WASHC4: variants seen among roughly 807,000 people sequenced by gnomAD.
The protein encoded by WASHC4 is WASH complex subunit 4.
Under a neutral mutation model 166.6 loss-of-function variants are expected in WASHC4, and 86 were observed. The observed-to-expected ratio is 0.52, with a 90% confidence interval of 0.43 to 0.62. The LOEUF (loss-of-function observed/expected upper bound fraction) is 0.62, where lower values mean the gene tolerates loss of function less well. WASHC4 is among the 20% of genes least tolerant of loss of function. The probability of loss-of-function intolerance (pLI) is 0.00; values close to 1 mark genes in which losing one functional copy is unlikely to be tolerated. For missense variants in WASHC4, 1,262 were observed against 1,382.4 expected (o/e 0.91, Z 1.38); for synonymous variants, 446 against 451.6 (o/e 0.99, Z 0.16).
intron 12 of WASHC4, 30 bp downstream of exon 12, chr12:105,126,392 G>C: frequency 2.7e-6 from 4 of 1,497,570 alleles, no homozygotes; most frequent in Non-Finnish European, 3.7e-6. Context: ...TTTTCAATTT[G>C]AGCAGATTAA....
chr12:105,115,536 T>A (rs1347756309), intron 5 of WASHC4, 125 bp from the exon 6 acceptor site: 2 of 707,624 alleles, frequency 2.8e-6, no homozygotes, highest in African/African-American at 3.6e-5. Flanking sequence ...GTAAAAATTC[T>A]GTTTTCAATA....
chr12:105,154,326 G>C (rs1202383857), intron 26 of WASHC4, among the ~76,000 whole-genome samples: 13 of 152,172 alleles, frequency 8.5e-5, no homozygotes. Context: ...ACTGCGCCCG[G>C]CCAATACAAA....
intron 2 of WASHC4, among the ~76,000 whole-genome samples, chr12:105,112,822 A>C (rs901339759): frequency 6.6e-6 from 1 of 152,156 alleles, no homozygotes; most frequent in Non-Finnish European, 1.5e-5. Context: ...AAGTAGATAC[A>C]ATGTCATCTC....
At position 105,160,162 on chromosome 12, in the gene WASHC4, G is replaced by A. The variant is rs1245612092; in HGVS notation, c.3060+14G>A. 1.6e-5 allele frequency: 26 copies of A among 1,609,350 alleles called. No homozygotes were observed. The highest frequency in any genetic ancestry group is 2.2e-5 in the Non-Finnish European group (26 of 1,176,426). On this transcript the variant is annotated intron_variant, in intron 29 of 32. Coordinates refer to ENST00000332180, the MANE Select transcript of WASHC4 (RefSeq NM_015275.3). Reference sequence around the variant, plus strand: ...GTTCCCCCTCTGGTGAGTATTTCCAGAACCTAAAATGAATTTTTTTTTTAA... The same window carrying A: ...GTTCCCCCTCTGGTGAGTATTTCCAAAACCTAAAATGAATTTTTTTTTTAA...
At chr12:105,125,137 T>C (rs772158736) in intron 10 of WASHC4, among the ~76,000 whole-genome samples, 1 of 152,232 alleles carries the variant, frequency 6.6e-6, no homozygotes, top group Non-Finnish European at 1.5e-5. Flanking sequence ...ATGTTTTACA[T>C]GATCACAGTT....
Position 105,157,236 on chromosome 12 carries a change from A to G in WASHC4, c.2826A>G (p.Arg942=), listed in dbSNP as rs1163906267. 2 of 1,465,694 alleles carry G rather than the reference A, an allele frequency of 1.4e-6. No homozygotes were observed. Among genetic ancestry groups the G allele is most frequent in the Non-Finnish European group, 1.9e-6 (2 of 1,047,968 alleles). 90.8% of individuals were successfully genotyped at this position (1,465,694 alleles called of 1,614,324 possible). A position where few individuals can be genotyped will look rare whatever the true frequency, so the allele number is the denominator to read the frequency against. The change falls in exon 28 of 33, where the codon AGA becomes AGG. Residue 942 remains arginine (R), a splice_region_variant and synonymous_variant. Transcript: ENST00000332180. ...GGLHCSSNAI[R]FVPDLEDIVN... ...AATGCCTTCCCAAATTCTTATGTAG[A>G]TTTGTTCCTGATCTTGAAGATATTG...
intron 10 of WASHC4, among the ~76,000 whole-genome samples, chr12:105,125,072 A>T (rs1226014196): frequency 1.3e-5 from 2 of 152,184 alleles, no homozygotes; most frequent in African/African-American, 2.4e-5. Context: ...AGCAGGTTCC[A>T]CTCGAAATTG....
chr12:105,112,279 C>T (rs1452470467), intron 2 of WASHC4, among the ~76,000 whole-genome samples: 1 of 152,098 alleles, frequency 6.6e-6, no homozygotes, highest in Non-Finnish European at 1.5e-5. Context: ...GAATGGATAA[C>T]CACATTTTAT....
chr12:105,141,255 G>C lies in WASHC4; in HGVS notation c.1787+9G>C. 6.4e-7 allele frequency: 1 copy of C among 1,555,100 alleles called. No homozygotes were observed. The highest frequency in any genetic ancestry group is 2.2e-5 in the East Asian group (1 of 44,622). On this transcript the variant is annotated intron_variant, in intron 18 of 32. Coordinates refer to ENST00000332180, the MANE Select transcript of WASHC4 (RefSeq NM_015275.3). ...AGTGAACTTAGAGAACGGTAAGTAG[G>C]ACTGGGATATGCTGTGGTACTCCAA...
In WASHC4 at chr12:105,144,401, CT is replaced by C. The variant is rs1236210910; in HGVS notation, c.2132del (p.Phe711SerfsTer3). 3.7e-6 allele frequency: 6 copies of C among 1,613,258 alleles called. No homozygotes were observed. The highest frequency in any genetic ancestry group is 5.1e-6 in the Non-Finnish European group (6 of 1,179,560). On this transcript the variant is annotated frameshift_variant, in exon 21 of 33. Transcript: ENST00000332180. LOFTEE classifies it high-confidence loss of function. The stretch of plus-strand genomic sequence containing the variant: ...CAAAGTTGGCATGAAAGACCTGGCT[CT>C]TTTTTTCTCTCTGAATCCAATTCGG... The part of the protein sequence containing the change: ...PFKVGMKDLA[L>X]FFSLNPIRFF...
Position 105,157,328 on chromosome 12 carries a change from C to A in WASHC4, c.2912+6C>A, listed in dbSNP as rs2135833637. 2.0e-6 allele frequency: 3 copies of A among 1,474,514 alleles called. No individual in the cohort carries two copies. Among genetic ancestry groups the A allele is most frequent in the East Asian group, 2.3e-5 (1 of 43,990 alleles). 91.3% of individuals were successfully genotyped at this position (1,474,514 alleles called of 1,614,324 possible). A position where few individuals can be genotyped will look rare whatever the true frequency, so the allele number is the denominator to read the frequency against. On this transcript the variant is annotated splice_donor_region_variant and intron_variant, in intron 28 of 32. Transcript: ENST00000332180. Reference sequence around the variant, plus strand: ...GAAACATTAAAAGCAGCAAGGTAATCTAAATTTGGAAATATAAAAAAGTGT... The same window carrying A: ...GAAACATTAAAAGCAGCAAGGTAATATAAATTTGGAAATATAAAAAAGTGT...
Position 105,137,871 on chromosome 12 carries a change from T to C in WASHC4, c.1327-15T>C. The C allele has an allele frequency of 6.3e-7, 1 of 1,592,896 alleles. No homozygotes were observed. On this transcript the variant is annotated splice_polypyrimidine_tract_variant and intron_variant, in intron 14 of 32. Coordinates refer to ENST00000332180, the MANE Select transcript of WASHC4 (RefSeq NM_015275.3). Reference sequence around the variant, plus strand: ...AATCTTTCCTTGTGATTATAATCAATGTTTTCCTTTACAGGGCTTCTTGTA... The same window carrying C: ...AATCTTTCCTTGTGATTATAATCAACGTTTTCCTTTACAGGGCTTCTTGTA...
At chr12:105,109,551 G>C (rs1267447355) in intron 1 of WASHC4, among the ~76,000 whole-genome samples, 1 of 151,968 alleles carries the variant, frequency 6.6e-6, no homozygotes, top group African/African-American at 2.4e-5. Context: ...TGTCAGCAAG[G>C]AACTTTTAAT....
At chr12:105,163,354 C>G (rs75177935) in intron 30 of WASHC4, among the ~76,000 whole-genome samples, 21 of 152,222 alleles carry the variant, frequency 1.4e-4, no homozygotes, top group Admixed American at 7.2e-4. Context: ...TTATTGAATG[C>G]CTTCTTAGTA....
In WASHC4 at chr12:105,144,346, T is replaced by A; in HGVS notation, c.2070T>A (p.Thr690=). ...IEKDLRLSVH[T]HLKLDDRNPF... ...AAGATCTGCGACTTTCTGTGCATAC[T>A]CATTTAAAGCTGGATGACCGAAACC... The change falls in exon 21 of 33, where the codon ACT becomes ACA. Residue 690 remains threonine, a synonymous_variant. Coordinates refer to ENST00000332180, the MANE Select transcript of WASHC4 (RefSeq NM_015275.3). 6.2e-7 allele frequency: 1 copy of A among 1,613,404 alleles called. No homozygotes were observed.
chr12:105,157,802 G>A (rs942632856), intron 28 of WASHC4, among the ~76,000 whole-genome samples: 11 of 152,214 alleles, frequency 7.2e-5, no homozygotes, highest in African/African-American at 1.9e-4. Context: ...TGGCAAATGC[G>A]ACTGGGGAAT....
chr12:105,161,731 C>A (rs148975202), intron 29 of WASHC4, among the ~76,000 whole-genome samples: 3 of 152,150 alleles, frequency 2.0e-5, no homozygotes, highest in African/African-American at 7.2e-5. Flanking sequence ...TGATTAATTG[C>A]TGAATAAGTT....
chr12:105,153,670 G>C (rs1055884089), intron 26 of WASHC4, among the ~76,000 whole-genome samples: 1 of 152,170 alleles, frequency 6.6e-6, no homozygotes, highest in Non-Finnish European at 1.5e-5. Flanking sequence ...TAGAGTCCAT[G>C]TGCTTAAAGC....
chr12:105,136,546 A>G (rs1455109783), intron 14 of WASHC4, among the ~76,000 whole-genome samples: 2 of 152,084 alleles, frequency 1.3e-5, no homozygotes, highest in African/African-American at 4.8e-5. Context: ...CCCTTCACAA[A>G]TTAATGGTTA....
Sources: gnomAD v4.1 joint callset for allele counts (sites outside exome capture counted in the v4.1 genomes callset) on GRCh38, gnomAD v4.1.1 for gene constraint, MANE v1.5 for transcripts, NCBI Gene and HGNC (gene_info 2026-07-23, HGNC 2026-07-21) for gene names.